ANK2: variants seen among roughly 807,000 people sequenced by gnomAD.
ANK2 encodes the protein ankyrin-2.
Under a neutral mutation model 360.5 loss-of-function variants are expected in ANK2, and 83 were observed. That is an observed-to-expected ratio of 0.23 (90% CI 0.19 to 0.28). The LOEUF (loss-of-function observed/expected upper bound fraction) is 0.28. ANK2 is among the 10% of genes least tolerant of loss of function. ANK2 has a pLI of 1.00. For synonymous variants in ANK2, 1,740 were observed against 1,759.5 expected (o/e 0.99, Z 0.28); for missense variants, 4,201 against 4,795.7 (o/e 0.88, Z 3.66).
chr4:112,901,940 G>T (rs1453011479), intron 1 of ANK2, among the ~76,000 whole-genome samples: 1 of 152,060 alleles, frequency 6.6e-6, no homozygotes, highest in Non-Finnish European at 1.5e-5. Flanking sequence ...ACAGCCAGGG[G>T]CCAGGAGAAT....
chr4:112,763,058 T>C, the ANK2 span, among the ~76,000 whole-genome samples: 1 of 152,184 alleles, frequency 6.6e-6, no homozygotes, highest in East Asian at 1.9e-4. Flanking sequence ...AAGTAATAAC[T>C]CCTAGAAGCA....
intron 1 of ANK2, among the ~76,000 whole-genome samples, chr4:113,108,427 A>T (rs1325542282): frequency 3.9e-5 from 6 of 152,178 alleles, no homozygotes; most frequent in Admixed American, 3.3e-4. Flanking sequence ...GATTTATTTA[A>T]ATTATGTAAT....
chr4:112,966,259 T>C (rs976367064), intron 2 of ANK2, among the ~76,000 whole-genome samples: 9 of 151,654 alleles, frequency 5.9e-5, no homozygotes, highest in Admixed American at 2.6e-4. Context: ...TCGTAAAAGA[T>C]TATATCTCAT....
At chr4:113,060,568 A>G (rs1183161326) in intron 1 of ANK2, among the ~76,000 whole-genome samples, 1 of 151,960 alleles carries the variant, frequency 6.6e-6, no homozygotes, top group Non-Finnish European at 1.5e-5. Flanking sequence ...AATCTTTTAC[A>G]CAATTCAAAT....
intron 11 of ANK2, among the ~76,000 whole-genome samples, chr4:113,256,566 T>G (rs2049458908): frequency 6.6e-6 from 1 of 152,234 alleles, no homozygotes; most frequent in African/African-American, 2.4e-5. Flanking sequence ...AGTTCTGATA[T>G]TGAATAAGTC....
the ANK2 span, among the ~76,000 whole-genome samples, chr4:112,733,671 C>CA: frequency 6.6e-5 from 10 of 152,128 alleles, no homozygotes; most frequent in African/African-American, 2.4e-4. Flanking sequence ...TTCAACAATT[C>CA]AACTTTGATT....
chr4:113,281,940 T>C (rs2062569976), intron 17 of ANK2, among the ~76,000 whole-genome samples: 1 of 152,176 alleles, frequency 6.6e-6, no homozygotes, highest in Non-Finnish European at 1.5e-5. Flanking sequence ...TGTTGTTGAA[T>C]ATATTTTAAA....
At chr4:113,088,048 T>C (rs1299014345) in intron 1 of ANK2, among the ~76,000 whole-genome samples, 1 of 152,216 alleles carries the variant, frequency 6.6e-6, no homozygotes, top group Admixed American at 6.5e-5. Flanking sequence ...TTTCTAAAAT[T>C]TCTAGAAAAG....
the ANK2 span, among the ~76,000 whole-genome samples, chr4:112,743,148 G>A: frequency 0.02 from 3,052 of 152,278 alleles, 108 homozygotes; most frequent in African/African-American, 0.07. Context: ...TCTTCTACAG[G>A]CTGACCATTT....
intron 1 of ANK2, among the ~76,000 whole-genome samples, chr4:112,855,834 C>T (rs916600340): frequency 2.0e-5 from 3 of 152,062 alleles, no homozygotes; most frequent in African/African-American, 7.2e-5. Context: ...GAATGTCCTC[C>T]CCTTTGGATT....
chr4:113,301,136 A>AAGGG (rs2074739745), intron 22 of ANK2, among the ~76,000 whole-genome samples: 1 of 152,072 alleles, frequency 6.6e-6, no homozygotes, highest in East Asian at 1.9e-4. Context: ...TGAAGATGTT[A>AAGGG]CTCTTATGTC....
intron 39 of ANK2, among the ~76,000 whole-genome samples, chr4:113,361,551 T>TA (rs1394102661): frequency 6.6e-6 from 1 of 151,580 alleles, no homozygotes; most frequent in Non-Finnish European, 1.5e-5. Context: ...TTTTTTTTTT[T>TA]AATATCACTT....
At chr4:112,742,007 CA>C in the ANK2 span, among the ~76,000 whole-genome samples, 27 of 152,172 alleles carry the variant, frequency 1.8e-4, no homozygotes, top group East Asian at 4.6e-3. Flanking sequence ...TTAAATAAAA[CA>C]GGGCTGGGAG....
At chr4:113,069,282 A>G (rs1275843638) in intron 1 of ANK2, among the ~76,000 whole-genome samples, 2 of 152,206 alleles carry the variant, frequency 1.3e-5, no homozygotes, top group African/African-American at 2.4e-5. Context: ...GCAATTTGTT[A>G]TAAAACAGCT....
chr4:112,744,947 G>GTC, the ANK2 span, among the ~76,000 whole-genome samples: 1 of 152,186 alleles, frequency 6.6e-6, no homozygotes, highest in Admixed American at 6.5e-5. Context: ...ATTTGTGAAT[G>GTC]TCTGTTGACA....
At chr4:112,972,712 AT>A (rs1202590450) in intron 2 of ANK2, among the ~76,000 whole-genome samples, 1 of 152,190 alleles carries the variant, frequency 6.6e-6, no homozygotes, top group East Asian at 1.9e-4. Flanking sequence ...AAAAAGACAC[AT>A]GCACACACAT....
chr4:113,198,349 T>TC (rs398107850), intron 3 of ANK2, among the ~76,000 whole-genome samples: 5 of 152,110 alleles, frequency 3.3e-5, no homozygotes, highest in Admixed American at 2.6e-4. Flanking sequence ...GGTTTTTTTT[T>TC]CTTTTTGTTA....
At chr4:112,809,154 C>T in the ANK2 span, among the ~76,000 whole-genome samples, 8 of 151,804 alleles carry the variant, frequency 5.3e-5, no homozygotes, top group Middle Eastern at 6.8e-3. Flanking sequence ...CCACTGCACC[C>T]GGCCCAAACT....
At chr4:112,750,630 G>GGAAGTCCC in the ANK2 span, among the ~76,000 whole-genome samples, 3 of 152,116 alleles carry the variant, frequency 2.0e-5, 1 homozygote, top group Non-Finnish European at 4.4e-5. Context: ...GTGAAAGCAA[G>GGAAGTCCC]TTTATTAAGA....
Sources: gnomAD v4.1 joint callset for allele counts (sites outside exome capture counted in the v4.1 genomes callset) on GRCh38, gnomAD v4.1.1 for gene constraint, MANE v1.5 for transcripts, NCBI Gene and HGNC (gene_info 2026-07-23, HGNC 2026-07-21) for gene names.